The following SLC9A8 variants were observed in gnomAD, a reference collection of about 807,000 sequenced individuals.
SLC9A8 encodes the protein sodium/hydrogen exchanger 8.
SLC9A8 carries 48 observed loss-of-function variants against 66.6 expected under a neutral mutation model. The observed-to-expected ratio is 0.72, with a 90% CI of 0.57 to 0.92. SLC9A8 has a LOEUF of 0.92. Ranked by LOEUF, SLC9A8 falls within the 40% of genes least tolerant of loss-of-function variation. The pLI is 0.00. For synonymous variants in SLC9A8, 274 were observed against 282.6 expected, an observed-to-expected ratio of 0.97 and a Z score of 0.31; for missense variants, 599 against 747.3, an observed-to-expected ratio of 0.80 and a Z score of 2.31.
chr20:49,853,734 A>C (rs2088347113), intron 7 of SLC9A8, among the ~76,000 whole-genome samples: 1 of 152,080 alleles, frequency 6.6e-6, no homozygotes, highest in Non-Finnish European at 1.5e-5. Context: ...CATGACGAAA[A>C]TTCAGCATCC....
rs1568776008 is a variant in SLC9A8, at chr20:49,812,957, G to C, written c.26+9G>C. 4 of 1,419,334 alleles carry C rather than the reference G, an allele frequency of 2.8e-6. No individual in the cohort carries two copies. The highest frequency in any genetic ancestry group is 3.7e-6 in the Non-Finnish European group (4 of 1,087,018). The allele number at this position is 1,419,334 out of a possible 1,614,324, so 87.9% of individuals were successfully genotyped here. On this transcript the variant is annotated intron_variant, in intron 1 of 15. Transcript: ENST00000361573. ...AAGATGGCGGAAGAGGAGTGAGTGG[G>C]CTTTTTCCCGGGCGGCGGAGGCGGC...
chr20:49,836,326 A>G (rs779853983), intron 3 of SLC9A8, among the ~76,000 whole-genome samples: 71 of 152,190 alleles, frequency 4.7e-4, no homozygotes, highest in Admixed American at 3.5e-3. Context: ...GTTGATAGAC[A>G]TTTGGGTTCT....
intron 3 of SLC9A8, among the ~76,000 whole-genome samples, chr20:49,834,214 T>TATATATATATATAC (rs1479055075): frequency 2.7e-5 from 3 of 112,140 alleles, no homozygotes; most frequent in African/African-American, 3.8e-5. Context: ...TATATATATA[T>TATATATATATATAC]ACACACACAC....
intron 9 of SLC9A8, chr20:49,863,741 A>G (rs2088842338): frequency 6.6e-6 from 1 of 152,252 alleles, no homozygotes; most frequent in Non-Finnish European, 1.5e-5. Context: ...GTTAAGGCCA[A>G]TGTCACCTTT....
At position 49,874,824 on chromosome 20, in the gene SLC9A8, G is replaced by A. The variant is rs1399302106; in HGVS notation, c.1075+3G>A. On this transcript the variant is annotated splice_donor_region_variant and intron_variant, in intron 11 of 15. Transcript: ENST00000361573. The stretch of plus-strand genomic sequence containing the variant: ...CCGCACCGTGGCCTTCTTATGTGGT[G>A]AGTTCTGCTTCTGTGTGGCCGTGAG... 1 of 1,592,292 alleles carries A rather than the reference G, an allele frequency of 6.3e-7. No homozygotes were observed.
intron 7 of SLC9A8, among the ~76,000 whole-genome samples, chr20:49,853,826 G>A (rs893752931): frequency 1.3e-5 from 2 of 152,310 alleles, no homozygotes; most frequent in South Asian, 2.1e-4. Context: ...CCTGGGATCC[G>A]GAGGCACTCT....
At position 49,887,890 on chromosome 20, in the gene SLC9A8, GCCAGGGCCCCT is replaced by G; in HGVS notation, c.1703_1713del (p.Gln568ArgfsTer62). On this transcript the variant is annotated frameshift_variant, in exon 16 of 16. Coordinates refer to ENST00000361573, the MANE Select transcript of SLC9A8 (RefSeq NM_015266.3). LOFTEE classifies it high-confidence loss of function. ...ACCAACAAGTGGTACGAGGAGGTAC[GCCAGGGCCCCT>G]CCGGCTCCGAGGACGACGAGCAGGA... 1.2e-6 allele frequency: 2 copies of G among 1,613,748 alleles called. No homozygotes were observed. The highest frequency in any genetic ancestry group is 1.7e-6 in the Non-Finnish European group (2 of 1,179,842).
At chr20:49,866,068 G>A (rs2088951650) in intron 10 of SLC9A8, among the ~76,000 whole-genome samples, 1 of 152,176 alleles carries the variant, frequency 6.6e-6, no homozygotes, top group African/African-American at 2.4e-5. Context: ...TCGAGGTGTG[G>A]CATATTCTTA....
In SLC9A8 at chr20:49,855,510, G is replaced by A. The variant is rs200589893; in HGVS notation, c.642G>A (p.Val214=). ...TTGCCATTTTCAATGCACTTCATGTGGACCCCGTGCTCAACATGCTGGTCT... is the reference window on the plus strand; with the variant it reads ...TTGCCATTTTCAATGCACTTCATGTAGACCCCGTGCTCAACATGCTGGTCT... The part of the protein sequence containing the change: ...ATIAIFNALH[V]DPVLNMLVFG... Residue 214 remains valine (V), a synonymous_variant, in exon 8 of 16, where the codon GTG becomes GTA. Transcript: ENST00000361573. 7.6e-5 allele frequency: 122 copies of A among 1,613,992 alleles called. No individual in the cohort carries two copies. In the East Asian group the frequency reaches 2.6e-3, roughly 35 times the overall value.
intron 3 of SLC9A8, among the ~76,000 whole-genome samples, chr20:49,833,249 T>C (rs1239302201): frequency 6.6e-6 from 1 of 152,160 alleles, no homozygotes; most frequent in South Asian, 2.1e-4. Flanking sequence ...TGAAAAAGCT[T>C]GTAAGACAGC....
chr20:49,822,483 A>G (rs932927444), intron 2 of SLC9A8, among the ~76,000 whole-genome samples: 3 of 152,322 alleles, frequency 2.0e-5, no homozygotes, highest in East Asian at 1.9e-4. Flanking sequence ...TTAACAGCTT[A>G]TATAAAAAAA....
intron 15 of SLC9A8, among the ~76,000 whole-genome samples, chr20:49,887,178 A>G (rs2089922794): frequency 1.3e-5 from 2 of 152,176 alleles, no homozygotes; most frequent in Non-Finnish European, 2.9e-5. Context: ...CAGCTACTGA[A>G]TCGGAGCTGA....
At chr20:49,837,874 T>C (rs1220358289) in intron 3 of SLC9A8, among the ~76,000 whole-genome samples, 1 of 152,176 alleles carries the variant, frequency 6.6e-6, no homozygotes, top group Admixed American at 6.6e-5. Context: ...TGGTCGGTTC[T>C]GTGTGGCATT....
intron 4 of SLC9A8, among the ~76,000 whole-genome samples, chr20:49,844,525 T>C (rs2087897502): frequency 6.6e-6 from 1 of 151,024 alleles, no homozygotes; most frequent in Admixed American, 6.6e-5. Context: ...GGCTCATGCC[T>C]GTAATCCCAG....
At chr20:49,879,134 A>C (rs2089536313) in intron 12 of SLC9A8, among the ~76,000 whole-genome samples, 1 of 152,224 alleles carries the variant, frequency 6.6e-6, no homozygotes, top group Non-Finnish European at 1.5e-5. Flanking sequence ...TGGGTGAAAC[A>C]GGGAGGTGAC....
chr20:49,831,416 TC>T (rs2087187334), intron 3 of SLC9A8, among the ~76,000 whole-genome samples: 1 of 150,684 alleles, frequency 6.6e-6, no homozygotes, highest in Non-Finnish European at 1.5e-5. Context: ...TCTCTCTCTC[TC>T]TCTCTCTCTC....
In SLC9A8 at chr20:49,886,977, T is replaced by TG. The variant is rs2089915803; in HGVS notation, c.1638+81dup. The TG allele has an allele frequency of 2.0e-6, 3 of 1,494,766 alleles. No individual in the cohort carries two copies. Among genetic ancestry groups the TG allele is most frequent in the Non-Finnish European group, 2.7e-6 (3 of 1,105,054 alleles). The allele number at this position is 1,494,766 out of a possible 1,614,324, so 92.6% of individuals were successfully genotyped here. On this transcript the variant is annotated intron_variant, in intron 15 of 15. Coordinates refer to ENST00000361573, the MANE Select transcript of SLC9A8 (RefSeq NM_015266.3). The surrounding 1 kb of genome is among the most constrained non-coding windows in gnomAD (Gnocchi z 4.8). ...GGACCTGCGGTGGCCCAGGGTGGGG[T>TG]GGAGGAAGAGTGGGGAGGCAGGAAA...
intron 12 of SLC9A8, among the ~76,000 whole-genome samples, chr20:49,879,682 G>A (rs938431305): frequency 6.6e-6 from 1 of 151,612 alleles, no homozygotes; most frequent in Non-Finnish European, 1.5e-5. Flanking sequence ...AAAATTAGCC[G>A]GGCATGGTAG....
chr20:49,813,281 G>C (rs2086425925), intron 1 of SLC9A8, among the ~76,000 whole-genome samples: 1 of 152,246 alleles, frequency 6.6e-6, no homozygotes, highest in Non-Finnish European at 1.5e-5. Flanking sequence ...CCTCCAGGAA[G>C]TCGTCCGGGT....
Sources: allele counts gnomAD v4.1 joint callset (sites outside exome capture counted in the v4.1 genomes callset), GRCh38; gene constraint gnomAD v4.1.1; non-coding constraint Gnocchi (gnomAD v3.1); transcripts MANE v1.5; gene names NCBI Gene and HGNC (gene_info 2026-07-23, HGNC 2026-07-21).